The following RASGRP3 variants were observed in gnomAD, a reference collection of about 807,000 sequenced individuals.
RASGRP3 encodes RAS guanyl releasing protein 3.
A neutral mutation model predicts 82.7 loss-of-function variants in RASGRP3; 54 were observed. That is an observed-to-expected ratio of 0.65 (90% CI 0.52 to 0.82). The LOEUF is 0.82. Among genes scored for constraint, RASGRP3 ranks in the 40% least tolerant of loss-of-function variants. The pLI, the probability that RASGRP3 is intolerant of heterozygous loss-of-function variation, is 0.00. For missense variants in RASGRP3, 861 were observed against 828.9 expected, an observed-to-expected ratio of 1.04 and a Z score of -0.48; for synonymous variants, 309 against 300.5, an observed-to-expected ratio of 1.03 and a Z score of -0.29.
rs1677023274 is a variant in RASGRP3, at chr2:33,564,406, G to C, written c.*1669G>C. On this transcript the variant is annotated 3_prime_UTR_variant, in exon 18 of 18. Transcript: ENST00000403687. The stretch of plus-strand genomic sequence containing the variant: ...CCATCTGTAAAGCACTCAGAAGGCA[G>C]CCATCCCTAGATGTTGGTTTCATGT... 1 of 152,188 alleles carries C rather than the reference G, an allele frequency of 6.6e-6. No homozygotes were observed. The highest frequency in any genetic ancestry group is 1.5e-5 in the Non-Finnish European group (1 of 68,038). 9.4% of individuals were successfully genotyped at this position (152,188 alleles called of 1,614,324 possible).
chr2:33,467,992 C>CT (rs1309501079), intron 2 of RASGRP3, among the ~76,000 whole-genome samples: 1 of 53,410 alleles, frequency 1.9e-5, no homozygotes, highest in South Asian at 7.2e-4. Flanking sequence ...TTCTTTCTTT[C>CT]TTTCTTTCTT....
intron 2 of RASGRP3, among the ~76,000 whole-genome samples, chr2:33,451,220 C>T (rs529120547): frequency 2.0e-5 from 3 of 152,026 alleles, no homozygotes; most frequent in Non-Finnish European, 4.4e-5. Context: ...AGAAATACCT[C>T]TTCAGGTCCT....
chr2:33,553,718 C>T (rs1675597646), intron 14 of RASGRP3, among the ~76,000 whole-genome samples: 1 of 152,104 alleles, frequency 6.6e-6, no homozygotes, highest in Non-Finnish European at 1.5e-5. Flanking sequence ...ACTGCTCTGT[C>T]CTAGGAGACA....
At chr2:33,551,770 G>C (rs1250074753) in intron 14 of RASGRP3, among the ~76,000 whole-genome samples, 1 of 152,156 alleles carries the variant, frequency 6.6e-6, no homozygotes, top group African/African-American at 2.4e-5. Context: ...AAGGCGGGTG[G>C]ATCATGAGCT....
chr2:33,445,120 C>T (rs1048003808), intron 1 of RASGRP3, among the ~76,000 whole-genome samples: 2 of 152,202 alleles, frequency 1.3e-5, no homozygotes, highest in Non-Finnish European at 2.9e-5. Flanking sequence ...TAATAATCTT[C>T]TATAACTACT....
intron 2 of RASGRP3, among the ~76,000 whole-genome samples, chr2:33,456,515 T>G (rs1424548980): frequency 1.3e-5 from 2 of 152,234 alleles, no homozygotes; most frequent in Non-Finnish European, 2.9e-5. Context: ...ATATTCAGTC[T>G]TCTGAATAGC....
chr2:33,559,610 G>A, intron 17 of RASGRP3: 2 of 518,798 alleles, frequency 3.9e-6, no homozygotes, highest in Middle Eastern at 3.2e-4. Context: ...AGAGTATGCT[G>A]ACACAGAAAT....
intron 1 of RASGRP3, among the ~76,000 whole-genome samples, chr2:33,504,382 T>G (rs1670160981): frequency 6.6e-6 from 1 of 152,216 alleles, no homozygotes; most frequent in Non-Finnish European, 1.5e-5. Flanking sequence ...TGATTTATAT[T>G]ATGTCTCCCG....
Position 33,563,571 on chromosome 2 carries a change from A to G in RASGRP3, c.*834A>G, listed in dbSNP as rs1206216972. ...CTGAAGTAGAAATAGCAATTAAGAA[A>G]TTAATTCAAGTTTTGACGGTTAACA... On this transcript the variant is annotated 3_prime_UTR_variant, in exon 18 of 18. Coordinates refer to ENST00000403687, the MANE Select transcript of RASGRP3 (RefSeq NM_001139488.2). 6.7e-6 allele frequency: 1 copy of G among 149,592 alleles called. No homozygotes were observed. Among genetic ancestry groups the G allele is most frequent in the African/African-American group, 2.4e-5 (1 of 41,352 alleles). The allele number at this position is 149,592 out of a possible 1,614,324, so 9.3% of individuals were successfully genotyped here.
chr2:33,441,426 T>C (rs747029086), intron 1 of RASGRP3, among the ~76,000 whole-genome samples: 5 of 152,224 alleles, frequency 3.3e-5, no homozygotes, highest in African/African-American at 7.2e-5. Flanking sequence ...GGCTGCTCTC[T>C]AGTGGCAATA....
intron 1 of RASGRP3, among the ~76,000 whole-genome samples, chr2:33,437,887 C>G (rs1012482147): frequency 7.3e-5 from 11 of 151,566 alleles, no homozygotes; most frequent in Non-Finnish European, 1.0e-4. Context: ...TCTGAAGAAA[C>G]AAACAAACAA....
At chr2:33,529,681 A>C (rs911175346) in intron 10 of RASGRP3, among the ~76,000 whole-genome samples, 4 of 152,160 alleles carry the variant, frequency 2.6e-5, no homozygotes, top group Non-Finnish European at 5.9e-5. Context: ...AAAATCCTAG[A>C]TGTGAGACCT....
chr2:33,504,016 G>C (rs914248468), intron 1 of RASGRP3, among the ~76,000 whole-genome samples: 2 of 151,956 alleles, frequency 1.3e-5, no homozygotes, highest in Admixed American at 1.3e-4. Flanking sequence ...ATCCCTACCT[G>C]ACCCCAATCA....
At chr2:33,465,815 A>C (rs970964381) in intron 2 of RASGRP3, among the ~76,000 whole-genome samples, 1 of 152,202 alleles carries the variant, frequency 6.6e-6, no homozygotes, top group African/African-American at 2.4e-5. Context: ...GCCAATGCTC[A>C]TTTGCCAATC....
At chr2:33,510,601 A>G (rs530317921) in intron 1 of RASGRP3, among the ~76,000 whole-genome samples, 19 of 152,294 alleles carry the variant, frequency 1.2e-4, no homozygotes, top group African/African-American at 4.6e-4. Flanking sequence ...CCTCTACTTC[A>G]GGCCTCAACT....
chr2:33,453,345 G>T (rs1362519706), intron 2 of RASGRP3, among the ~76,000 whole-genome samples: 1 of 152,152 alleles, frequency 6.6e-6, no homozygotes, highest in Non-Finnish European at 1.5e-5. Context: ...TCTTGAGAAG[G>T]TACATTCATG....
At chr2:33,461,516 G>A (rs1250899541) in intron 2 of RASGRP3, among the ~76,000 whole-genome samples, 1 of 152,226 alleles carries the variant, frequency 6.6e-6, no homozygotes, top group African/African-American at 2.4e-5. Context: ...AAGCTCAAGT[G>A]ATCCACCTGC....
intron 1 of RASGRP3, among the ~76,000 whole-genome samples, chr2:33,477,381 A>G (rs1667470714): frequency 6.6e-6 from 1 of 152,210 alleles, no homozygotes; most frequent in African/African-American, 2.4e-5. Flanking sequence ...ATTACTTTAA[A>G]ATGTTCAGTT....
intron 15 of RASGRP3, among the ~76,000 whole-genome samples, chr2:33,557,268 C>G (rs185300965): frequency 1.4e-3 from 219 of 152,272 alleles, no homozygotes; most frequent in African/African-American, 5.0e-3. Context: ...TCCTAATGGG[C>G]AATTCACAGA....
Sources: allele counts gnomAD v4.1 joint callset (sites outside exome capture counted in the v4.1 genomes callset), GRCh38; gene constraint gnomAD v4.1.1; transcripts MANE v1.5; gene names NCBI Gene and HGNC (gene_info 2026-07-23, HGNC 2026-07-21).